The following KCNIP4 variants were observed in gnomAD, a reference collection of about 807,000 sequenced individuals.
KCNIP4 encodes Kv channel-interacting protein 4.
A neutral mutation model predicts 34.0 loss-of-function variants in KCNIP4; 12 were observed. The ratio of observed to expected loss-of-function variants is 0.35; its 90% confidence interval spans 0.23 to 0.57. The LOEUF is 0.57. Ranked by LOEUF, KCNIP4 falls within the 20% of genes least tolerant of loss-of-function variation. The pLI is 0.83. For synonymous variants in KCNIP4, 124 were observed against 102.2 expected (o/e 1.21, Z -1.29); for missense variants, 238 against 311.7 (o/e 0.76, Z 1.78).
At chr4:21,532,893 A>T (rs538056791) in intron 1 of KCNIP4, among the ~76,000 whole-genome samples, 4 of 151,564 alleles carry the variant, frequency 2.6e-5, no homozygotes, top group South Asian at 2.1e-4. Flanking sequence ...CAAGATTTTT[A>T]AAAATAGCTT....
chr4:20,744,406 A>C (rs1751937574), intron 5 of KCNIP4, among the ~76,000 whole-genome samples: 4 of 152,190 alleles, frequency 2.6e-5, no homozygotes, highest in Admixed American at 2.6e-4. Context: ...TGGCACATAT[A>C]CTGGATTAAG....
At position 20,884,706 on chromosome 4, in the gene KCNIP4, CT is replaced by C. The variant is rs975286527; in HGVS notation, c.62-1998del. On this transcript the variant is annotated intron_variant, in intron 1 of 8. Coordinates refer to ENST00000382152, the MANE Select transcript of KCNIP4 (RefSeq NM_025221.6). ...CTCAACTTCTGTATCCCAGTGCAGC[CT>C]TTTTTTTTTTTTTTTTTCAAGACAG... 4.5e-3 allele frequency among the ~76,000 whole-genome samples: 560 copies of C among 125,676 alleles called. 3 individuals are homozygous for C. Among genetic ancestry groups the C allele is most frequent in the African/African-American group, 9.9e-3 (336 of 33,980 alleles). 82.4% of individuals were successfully genotyped at this position (125,676 alleles called of 152,430 possible). A position where few individuals can be genotyped will look rare whatever the true frequency, so the allele number is the denominator to read the frequency against.
intron 3 of KCNIP4, among the ~76,000 whole-genome samples, chr4:20,848,133 G>T (rs987066700): frequency 5.3e-5 from 8 of 152,086 alleles, no homozygotes; most frequent in African/African-American, 1.7e-4. Flanking sequence ...GAGAGATGTC[G>T]ATTAATATTT....
chr4:21,175,737 C>T (rs1465847839), intron 1 of KCNIP4, among the ~76,000 whole-genome samples: 1 of 151,862 alleles, frequency 6.6e-6, no homozygotes, highest in Non-Finnish European at 1.5e-5. Flanking sequence ...AAAGAGTGGG[C>T]CAGGGTAAGA....
chr4:21,297,874 G>A (rs1369924705), intron 1 of KCNIP4, among the ~76,000 whole-genome samples: 1 of 151,962 alleles, frequency 6.6e-6, no homozygotes, highest in East Asian at 1.9e-4. Context: ...TGTAAGAGAA[G>A]TTCATACTGT....
intron 1 of KCNIP4, among the ~76,000 whole-genome samples, chr4:21,884,396 C>T (rs1171018003): frequency 6.6e-6 from 1 of 151,996 alleles, no homozygotes; most frequent in Non-Finnish European, 1.5e-5. Flanking sequence ...GAGCCGTTGT[C>T]GTTAGAAGAA....
At chr4:21,439,978 CT>C (rs374361556) in intron 1 of KCNIP4, among the ~76,000 whole-genome samples, 19 of 152,222 alleles carry the variant, frequency 1.2e-4, no homozygotes, top group African/African-American at 4.6e-4. Flanking sequence ...TAACTCTCAC[CT>C]ACCTCACCTT....
chr4:21,402,042 T>C (rs773394565), intron 1 of KCNIP4, among the ~76,000 whole-genome samples: 13 of 152,218 alleles, frequency 8.5e-5, no homozygotes, highest in Non-Finnish European at 1.9e-4. Context: ...CCTATTAACT[T>C]GAATGAGGCA....
intron 1 of KCNIP4, among the ~76,000 whole-genome samples, chr4:21,247,735 G>GATATATATATATATATATATATATAT (rs58465908): frequency 1.6e-5 from 1 of 61,364 alleles, no homozygotes; most frequent in African/African-American, 1.1e-4. Flanking sequence ...TCCACAGGTG[G>GATATATATATATATATATATATATAT]ATATATATAT....
At chr4:21,129,399 G>A (rs1750888873) in intron 1 of KCNIP4, among the ~76,000 whole-genome samples, 1 of 152,148 alleles carries the variant, frequency 6.6e-6, no homozygotes, top group East Asian at 1.9e-4. Flanking sequence ...CATTTCACGG[G>A]TGAGAAAACT....
chr4:21,425,528 T>C (rs990720441), intron 1 of KCNIP4, among the ~76,000 whole-genome samples: 2 of 152,104 alleles, frequency 1.3e-5, no homozygotes, highest in Non-Finnish European at 2.9e-5. Flanking sequence ...CTTTAAAGAA[T>C]GGAGTATGAA....
chr4:21,467,934 C>T (rs1280904033), intron 1 of KCNIP4, among the ~76,000 whole-genome samples: 2 of 152,162 alleles, frequency 1.3e-5, no homozygotes, highest in Non-Finnish European at 2.9e-5. Context: ...TCAGTGTGGG[C>T]AGCAAGCCTT....
chr4:21,876,080 G>T (rs2109374394), intron 1 of KCNIP4, among the ~76,000 whole-genome samples: 1 of 151,818 alleles, frequency 6.6e-6, no homozygotes, highest in Non-Finnish European at 1.5e-5. Flanking sequence ...ATGAATAAAA[G>T]AAAATACACA....
At chr4:20,917,022 T>C (rs1212550096) in intron 1 of KCNIP4, among the ~76,000 whole-genome samples, 2 of 26,094 alleles carry the variant, frequency 7.7e-5, no homozygotes, top group African/African-American at 2.4e-4. Context: ...TATATATATA[T>C]ATATATATAT....
intron 1 of KCNIP4, among the ~76,000 whole-genome samples, chr4:21,383,103 A>G (rs959836189): frequency 6.6e-6 from 1 of 152,174 alleles, no homozygotes; most frequent in Non-Finnish European, 1.5e-5. Flanking sequence ...ATGTACACAC[A>G]CAGAGAAAAG....
intron 4 of KCNIP4, among the ~76,000 whole-genome samples, chr4:20,753,150 GA>G (rs934546087): frequency 1.3e-5 from 2 of 152,112 alleles, no homozygotes; most frequent in Non-Finnish European, 2.9e-5. Context: ...AGACATTTTG[GA>G]TACTATTTAG....
At chr4:20,882,859 G>GAAA (rs5856585) in intron 1 of KCNIP4, 150 bp from the exon 2 acceptor site, 315 of 439,412 alleles carry the variant, frequency 7.2e-4, no homozygotes, top group South Asian at 4.5e-3. Context: ...CCCCCGAAAG[G>GAAA]AAAAAAAAAG....
At chr4:21,600,560 A>T (rs1174286917) in intron 1 of KCNIP4, among the ~76,000 whole-genome samples, 1 of 152,092 alleles carries the variant, frequency 6.6e-6, no homozygotes, top group Non-Finnish European at 1.5e-5. Context: ...CATCCTACTG[A>T]TCAGTTGAAT....
chr4:21,000,979 A>G (rs557763325), intron 1 of KCNIP4, among the ~76,000 whole-genome samples: 2 of 152,302 alleles, frequency 1.3e-5, no homozygotes, highest in Non-Finnish European at 2.9e-5. Flanking sequence ...AATTACCACT[A>G]TCATATAAAC....
Sources: allele counts gnomAD v4.1 joint callset (sites outside exome capture counted in the v4.1 genomes callset), GRCh38; gene constraint gnomAD v4.1.1; transcripts MANE v1.5; gene names NCBI Gene and HGNC (gene_info 2026-07-23, HGNC 2026-07-21).